The following SPARCL1 variants were observed in gnomAD, a reference collection of about 807,000 sequenced individuals.
SPARCL1 encodes SPARC like 1.
A neutral mutation model predicts 67.1 loss-of-function variants in SPARCL1; 52 were observed. The observed-to-expected ratio is 0.78, with a 90% CI of 0.62 to 0.98. SPARCL1 has a LOEUF of 0.98. SPARCL1 is among the 50% of genes least tolerant of loss of function. The pLI is 0.00. For synonymous variants in SPARCL1, 226 were observed against 267.8 expected, an observed-to-expected ratio of 0.84 and a Z score of 1.52; for missense variants, 717 against 782.4, an observed-to-expected ratio of 0.92 and a Z score of 1.00.
intron 1 of SPARCL1, among the ~76,000 whole-genome samples, chr4:87,506,816 TCTATCTATCTACCTACCTAC>T (rs1560824888): frequency 7.0e-6 from 1 of 143,440 alleles, no homozygotes; most frequent in Non-Finnish European, 1.5e-5. Context: ...TATCTATCTA[TCTATCTATCTACCTACCTAC>T]CTACCTACCT....
intron 1 of SPARCL1, among the ~76,000 whole-genome samples, chr4:87,502,785 T>C (rs1028721912): frequency 6.6e-6 from 1 of 152,212 alleles, no homozygotes; most frequent in African/African-American, 2.4e-5. Context: ...AGAAAGCCAA[T>C]TAGAACTTTA....
intron 1 of SPARCL1, among the ~76,000 whole-genome samples, chr4:87,505,399 A>G (rs1488954638): frequency 6.6e-6 from 1 of 152,096 alleles, no homozygotes; most frequent in Non-Finnish European, 1.5e-5. Context: ...GATAATTTAA[A>G]ACATTCTATC....
intron 1 of SPARCL1, among the ~76,000 whole-genome samples, chr4:87,520,706 T>C (rs1490707601): frequency 6.6e-6 from 1 of 152,202 alleles, no homozygotes; most frequent in Non-Finnish European, 1.5e-5. Flanking sequence ...GAAGTTGTAA[T>C]TGGATTTCTC....
intron 1 of SPARCL1, among the ~76,000 whole-genome samples, chr4:87,517,636 G>A (rs1000639912): frequency 6.6e-6 from 1 of 151,952 alleles, no homozygotes; most frequent in African/African-American, 2.4e-5. Context: ...GCTCTTATTT[G>A]AATTTCCCTT....
intron 7 of SPARCL1, among the ~76,000 whole-genome samples, chr4:87,483,438 A>T (rs565451104): frequency 6.6e-6 from 1 of 152,320 alleles, no homozygotes; most frequent in East Asian, 1.9e-4. Flanking sequence ...ATGGCTGCAT[A>T]GTATTCCATG....
intron 1 of SPARCL1, among the ~76,000 whole-genome samples, chr4:87,505,852 C>T (rs1263296297): frequency 6.6e-6 from 1 of 151,884 alleles, no homozygotes; most frequent in South Asian, 2.1e-4. Context: ...AGCCACTGTG[C>T]CTAGCCTTAT....
chr4:87,525,952 C>CA lies in SPARCL1; in HGVS notation c.-12+3092dup, dbSNP rs60379878. Among the ~76,000 whole-genome samples, 921 of 151,468 alleles carry CA rather than the reference C, an allele frequency of 6.1e-3. 12 individuals are homozygous for CA. Among genetic ancestry groups the CA allele is most frequent in the African/African-American group, 0.021 (853 of 41,302 alleles). ...AAAACACCAAACAAAGACAAAAAAA[C>CA]AAAAAAAAGACTCTTTCACTTGAAT... On this transcript the variant is annotated intron_variant, in intron 1 of 10. Coordinates refer to ENST00000282470, the MANE Select transcript of SPARCL1 (RefSeq NM_004684.6).
chr4:87,479,612 G>A, intron 9 of SPARCL1, 34 bp from the exon 10 acceptor site: 1 of 1,607,382 alleles, frequency 6.2e-7, no homozygotes, highest in African/African-American at 1.3e-5. Context: ...TATTAATTGA[G>A]TAGCTTGTGC....
chr4:87,519,608 T>C (rs1030333900), intron 1 of SPARCL1, among the ~76,000 whole-genome samples: 1 of 152,182 alleles, frequency 6.6e-6, no homozygotes, highest in Admixed American at 6.5e-5. Flanking sequence ...GTTGACTGCA[T>C]GATTCTTCTG....
chr4:87,511,007 G>A (rs1169520926), intron 1 of SPARCL1, among the ~76,000 whole-genome samples: 1 of 152,210 alleles, frequency 6.6e-6, no homozygotes, highest in Non-Finnish European at 1.5e-5. Context: ...TCATTCGCTT[G>A]CGCACTCCCT....
intron 7 of SPARCL1, among the ~76,000 whole-genome samples, chr4:87,489,949 C>T (rs1724244885): frequency 6.6e-6 from 1 of 152,136 alleles, no homozygotes. Context: ...AATAATGTAG[C>T]AAAATTCCAG....
intron 10 of SPARCL1, among the ~76,000 whole-genome samples, chr4:87,474,894 C>T (rs1009491679): frequency 7.2e-5 from 11 of 152,112 alleles, no homozygotes; most frequent in East Asian, 1.9e-4. Context: ...AGGCGCCCGC[C>T]ACCACGCCCG....
intron 10 of SPARCL1, among the ~76,000 whole-genome samples, chr4:87,474,867 C>A (rs1044189819): frequency 6.6e-6 from 1 of 151,818 alleles, no homozygotes; most frequent in Non-Finnish European, 1.5e-5. Context: ...CTCAGCCTCC[C>A]GAGTGGCTGG....
chr4:87,522,441 G>C (rs1198864118), intron 1 of SPARCL1, among the ~76,000 whole-genome samples: 1 of 151,360 alleles, frequency 6.6e-6, no homozygotes, highest in Non-Finnish European at 1.5e-5. Context: ...TCAAGCAAAG[G>C]GCACATACAT....
chr4:87,485,812 G>C (rs1724032895), intron 7 of SPARCL1, among the ~76,000 whole-genome samples: 1 of 152,052 alleles, frequency 6.6e-6, no homozygotes, highest in African/African-American at 2.4e-5. Flanking sequence ...ATGTGTCCAG[G>C]AATTTATCTA....
At chr4:87,480,667 C>T (rs1162103154) in intron 8 of SPARCL1, 147 bp from the exon 9 acceptor site, 2 of 649,184 alleles carry the variant, frequency 3.1e-6, no homozygotes, top group East Asian at 2.8e-5. Context: ...GAAATTCCTT[C>T]CAATCAATAC....
chr4:87,480,288 C>T, intron 9 of SPARCL1, 84 bp downstream of exon 9: 5 of 1,246,648 alleles, frequency 4.0e-6, no homozygotes, highest in African/African-American at 1.5e-5. Flanking sequence ...TGTCCTAAAT[C>T]TGTTTAGATT....
chr4:87,492,605 T>C (rs1724396407), intron 4 of SPARCL1, among the ~76,000 whole-genome samples: 1 of 152,208 alleles, frequency 6.6e-6, no homozygotes, highest in Non-Finnish European at 1.5e-5. Context: ...TGTAGTATTA[T>C]CTTGTGATTT....
intron 7 of SPARCL1, among the ~76,000 whole-genome samples, chr4:87,485,014 G>C (rs530493454): frequency 6.6e-6 from 1 of 152,036 alleles, no homozygotes; most frequent in South Asian, 2.1e-4. Flanking sequence ...TCTGCAAACA[G>C]GGACAATTTG....
Sources: gnomAD v4.1 joint callset for allele counts (sites outside exome capture counted in the v4.1 genomes callset) on GRCh38, gnomAD v4.1.1 for gene constraint, MANE v1.5 for transcripts, NCBI Gene and HGNC (gene_info 2026-07-23, HGNC 2026-07-21) for gene names.